The following CRY1 variants were observed in gnomAD, a reference collection of about 807,000 sequenced individuals.
CRY1 encodes the protein cryptochrome circadian regulator 1.
Under a neutral mutation model 76.0 loss-of-function variants are expected in CRY1, and 45 were observed. The observed-to-expected ratio is 0.59, with a 90% CI of 0.47 to 0.76. The LOEUF (loss-of-function observed/expected upper bound fraction) is 0.76. CRY1 is among the 30% of genes least tolerant of loss of function. The pLI is 0.00. For missense variants in CRY1, 587 were observed against 716.4 expected (o/e 0.82, Z 2.06); for synonymous variants, 248 against 244.0 (o/e 1.02, Z -0.15).
chr12:107,018,482 G>GTGGCTGAGGCACAAGAA (rs1305195122), intron 2 of CRY1, among the ~76,000 whole-genome samples: 12 of 152,154 alleles, frequency 7.9e-5, no homozygotes, highest in Non-Finnish European at 1.8e-4. Context: ...AGCTACGTGG[G>GTGGCTGAGGCACAAGAA]TGGCTGAGGC....
intron 2 of CRY1, among the ~76,000 whole-genome samples, chr12:107,012,785 G>C (rs1952459590): frequency 6.6e-6 from 1 of 152,182 alleles, no homozygotes; most frequent in Non-Finnish European, 1.5e-5. Flanking sequence ...AACATTAACA[G>C]CAATTTGGAA....
intron 1 of CRY1, 61 bp downstream of exon 1, chr12:107,092,743 A>T (rs1565850503): frequency 5.6e-6 from 9 of 1,595,756 alleles, no homozygotes; most frequent in Non-Finnish European, 6.8e-6. Context: ...GATCGCATGG[A>T]ATTCATTAAC....
chr12:107,066,717 G>C (rs1043803284), intron 1 of CRY1, among the ~76,000 whole-genome samples: 47 of 150,852 alleles, frequency 3.1e-4, no homozygotes, highest in African/African-American at 9.5e-4. Flanking sequence ...ACCCGCCTCG[G>C]CCTCCCAAAT....
At chr12:107,063,600 T>G (rs1953074974) in intron 1 of CRY1, among the ~76,000 whole-genome samples, 1 of 151,870 alleles carries the variant, frequency 6.6e-6, no homozygotes, top group Admixed American at 6.6e-5. Context: ...GTTTTTGTTT[T>G]TTTGTTTGTT....
chr12:107,052,022 T>C (rs1196402723), intron 1 of CRY1, among the ~76,000 whole-genome samples: 1 of 152,146 alleles, frequency 6.6e-6, no homozygotes, highest in Non-Finnish European at 1.5e-5. Flanking sequence ...TATTCAAAAA[T>C]GCTGAAAATT....
At chr12:107,021,193 G>A (rs1054703139) in intron 2 of CRY1, among the ~76,000 whole-genome samples, 1 of 152,114 alleles carries the variant, frequency 6.6e-6, no homozygotes, top group African/African-American at 2.4e-5. Context: ...TGAGGCAGAA[G>A]AATCACCTGA....
At chr12:106,994,152 G>C (rs1014632997) in intron 10 of CRY1, among the ~76,000 whole-genome samples, 1 of 152,150 alleles carries the variant, frequency 6.6e-6, no homozygotes, top group African/African-American at 2.4e-5. Flanking sequence ...CAGGATAAGT[G>C]TAAGGCATAA....
intron 2 of CRY1, among the ~76,000 whole-genome samples, chr12:107,016,630 G>T (rs1347388536): frequency 6.6e-6 from 1 of 151,998 alleles, no homozygotes; most frequent in Non-Finnish European, 1.5e-5. Flanking sequence ...TCTAGTCTTA[G>T]GGTCTAAACT....
chr12:107,082,620 G>C (rs1953341349), intron 1 of CRY1, among the ~76,000 whole-genome samples: 3 of 152,152 alleles, frequency 2.0e-5, no homozygotes, highest in Admixed American at 2.0e-4. Context: ...AATTAAGGCA[G>C]AAGTAAGTAA....
intron 1 of CRY1, among the ~76,000 whole-genome samples, chr12:107,055,482 T>A (rs1469904492): frequency 6.6e-6 from 1 of 152,086 alleles, no homozygotes; most frequent in Non-Finnish European, 1.5e-5. Flanking sequence ...GCCTAAGAAT[T>A]CAGCCTATTA....
intron 2 of CRY1, among the ~76,000 whole-genome samples, chr12:107,008,887 G>A (rs1166852524): frequency 1.3e-5 from 2 of 152,160 alleles, no homozygotes; most frequent in African/African-American, 2.4e-5. Context: ...CAGCTGCCAT[G>A]TAACATGTGC....
intron 2 of CRY1, among the ~76,000 whole-genome samples, chr12:107,017,005 T>C (rs1270759833): frequency 6.6e-6 from 1 of 152,234 alleles, no homozygotes; most frequent in Non-Finnish European, 1.5e-5. Flanking sequence ...ATAACTGCCA[T>C]TGCCTCCTAA....
chr12:107,031,310 T>C (rs980557111), intron 1 of CRY1, among the ~76,000 whole-genome samples: 1 of 151,386 alleles, frequency 6.6e-6, no homozygotes, highest in African/African-American at 2.4e-5. Flanking sequence ...GTAAGGAAGC[T>C]AATAATAGAT....
At chr12:107,000,174 T>C in intron 5 of CRY1, 92 bp from the exon 6 acceptor site, 2 of 1,291,692 alleles carry the variant, frequency 1.5e-6, no homozygotes, top group Non-Finnish European at 2.1e-6. Context: ...TAAAGTTACA[T>C]AGTTCTTGGG....
intron 1 of CRY1, among the ~76,000 whole-genome samples, chr12:107,083,204 C>T (rs535749839): frequency 6.6e-6 from 1 of 152,204 alleles, no homozygotes; most frequent in African/African-American, 2.4e-5. Context: ...TAATTAGTAG[C>T]CTACCAACCA....
chr12:107,063,601 T>C (rs1953075020), intron 1 of CRY1, among the ~76,000 whole-genome samples: 1 of 151,910 alleles, frequency 6.6e-6, no homozygotes, highest in Non-Finnish European at 1.5e-5. Context: ...TTTTTGTTTT[T>C]TTGTTTGTTT....
intron 1 of CRY1, among the ~76,000 whole-genome samples, chr12:107,052,672 T>C (rs571111549): frequency 1.3e-5 from 2 of 152,034 alleles, no homozygotes; most frequent in Non-Finnish European, 2.9e-5. Flanking sequence ...TGAAGGAAAG[T>C]TGGAGAGCAA....
intron 1 of CRY1, among the ~76,000 whole-genome samples, chr12:107,078,327 TC>T (rs1289511179): frequency 6.6e-6 from 1 of 152,068 alleles, no homozygotes; most frequent in Non-Finnish European, 1.5e-5. Flanking sequence ...TTTTCCCACC[TC>T]TAAGTCTTTG....
At chr12:106,993,074 C>G in intron 10 of CRY1, 38 bp from the exon 11 acceptor site, 1 of 1,594,428 alleles carries the variant, frequency 6.3e-7, no homozygotes, top group Non-Finnish European at 8.6e-7. Flanking sequence ...TACTTAAAAT[C>G]AAATCCAAGA....
Sources: gnomAD v4.1 joint callset for allele counts (sites outside exome capture counted in the v4.1 genomes callset) on GRCh38, gnomAD v4.1.1 for gene constraint, MANE v1.5 for transcripts, NCBI Gene and HGNC (gene_info 2026-07-23, HGNC 2026-07-21) for gene names.